The following DPP6 variants were observed in gnomAD, a reference collection of about 807,000 sequenced individuals.
The protein encoded by DPP6 is dipeptidyl peptidase like 6, also known as A-type potassium channel modulatory protein DPP6.
Under a neutral mutation model 122.6 loss-of-function variants are expected in DPP6, and 69 were observed. The ratio of observed to expected loss-of-function variants is 0.56; its 90% confidence interval spans 0.46 to 0.69. DPP6 has a LOEUF of 0.69. Among genes scored for constraint, DPP6 ranks in the 30% least tolerant of loss-of-function variants. DPP6 has a pLI of 0.00. For synonymous variants in DPP6, 418 were observed against 433.1 expected (o/e 0.97, Z 0.43); for missense variants, 928 against 1,116.9 (o/e 0.83, Z 2.41).
intron 1 of DPP6, among the ~76,000 whole-genome samples, chr7:154,226,152 G>T (rs78014587): frequency 6.6e-6 from 1 of 152,098 alleles, no homozygotes; most frequent in Non-Finnish European, 1.5e-5. Context: ...GAGAAACCAT[G>T]GCCAGAGTTC....
intron 10 of DPP6, among the ~76,000 whole-genome samples, chr7:154,792,805 C>T (rs1219752774): frequency 6.6e-6 from 1 of 152,232 alleles, no homozygotes; most frequent in Non-Finnish European, 1.5e-5. Context: ...GGTTATGTAC[C>T]TCCTCACCAC....
chr7:154,149,303 GCT>G (rs1351635763), intron 1 of DPP6, among the ~76,000 whole-genome samples: 1 of 152,280 alleles, frequency 6.6e-6, no homozygotes, highest in Non-Finnish European at 1.5e-5. Context: ...CCTCCAGGAT[GCT>G]TGGCTCTGGG....
chr7:153,792,027 ATTATC>A, the DPP6 span, among the ~76,000 whole-genome samples: 1 of 152,214 alleles, frequency 6.6e-6, no homozygotes, highest in Admixed American at 6.5e-5. Flanking sequence ...AGAGAAATCT[ATTATC>A]TTGTCTTTTG....
intron 1 of DPP6, among the ~76,000 whole-genome samples, chr7:154,414,544 C>T (rs75134924): frequency 0.013 from 1,952 of 152,282 alleles, 42 homozygotes; most frequent in African/African-American, 0.043. Context: ...CTCTACTTTC[C>T]TTTACACATA....
chr7:154,111,504 A>G (rs1437500683), intron 1 of DPP6, among the ~76,000 whole-genome samples: 1 of 152,210 alleles, frequency 6.6e-6, no homozygotes, highest in Non-Finnish European at 1.5e-5. Flanking sequence ...CTGTTGAGAT[A>G]CCTGTGAGAG....
intron 1 of DPP6, among the ~76,000 whole-genome samples, chr7:154,063,520 G>A (rs1427330424): frequency 8.2e-3 from 701 of 85,658 alleles, no homozygotes; most frequent in African/African-American, 0.031. Flanking sequence ...CCCATCGCAG[G>A]AGGGGGAGGC....
intron 20 of DPP6, chr7:154,876,755 T>C (rs67644223): frequency 0.3 from 45,700 of 152,180 alleles, 7,390 homozygotes; most frequent in Non-Finnish European, 0.36. Flanking sequence ...ATCAAGACAC[T>C]GCGCCAGGCT....
intron 1 of DPP6, among the ~76,000 whole-genome samples, chr7:153,953,502 A>G (rs1017422381): frequency 1.3e-5 from 2 of 152,170 alleles, no homozygotes; most frequent in Non-Finnish European, 2.9e-5. Flanking sequence ...GGTTCGGGGA[A>G]AGATCATGCC....
intron 1 of DPP6, among the ~76,000 whole-genome samples, chr7:153,952,701 C>T (rs967249804): frequency 1.3e-5 from 2 of 152,176 alleles, no homozygotes; most frequent in Non-Finnish European, 2.9e-5. Flanking sequence ...TTACTACATT[C>T]CATTCTTATC....
chr7:153,960,235 T>C (rs1456005984), intron 1 of DPP6, among the ~76,000 whole-genome samples: 1 of 152,202 alleles, frequency 6.6e-6, no homozygotes, highest in Non-Finnish European at 1.5e-5. Flanking sequence ...CTTACTTTCA[T>C]AAAAGGTTCT....
At chr7:154,195,953 A>G (rs1273723123) in intron 1 of DPP6, among the ~76,000 whole-genome samples, 1 of 152,104 alleles carries the variant, frequency 6.6e-6, no homozygotes. Flanking sequence ...CGGTTTGGCA[A>G]ACACCTTCTC....
chr7:154,771,752 T>C (rs1796261945), intron 9 of DPP6, among the ~76,000 whole-genome samples: 1 of 152,244 alleles, frequency 6.6e-6, no homozygotes, highest in African/African-American at 2.4e-5. Context: ...TGGCATGGAT[T>C]TGCCTTCGAC....
At chr7:154,387,667 A>G (rs12672696) in intron 1 of DPP6, among the ~76,000 whole-genome samples, 106,312 of 151,940 alleles carry the variant, frequency 0.7, 38,389 homozygotes, top group South Asian at 0.8. Flanking sequence ...TACTGTTTTC[A>G]TCCAGTCCTC....
chr7:154,362,298 A>G (rs779349515), intron 1 of DPP6, among the ~76,000 whole-genome samples: 1 of 152,198 alleles, frequency 6.6e-6, no homozygotes, highest in Non-Finnish European at 1.5e-5. Context: ...GGCTCCTGCA[A>G]GTGGGATTCC....
intron 1 of DPP6, among the ~76,000 whole-genome samples, chr7:154,117,683 A>T (rs1027816053): frequency 6.6e-6 from 1 of 152,144 alleles, no homozygotes; most frequent in African/African-American, 2.4e-5. Context: ...GAAGAGATTC[A>T]TCGTAGAGAC....
chr7:154,373,080 TTTTC>T (rs1490786805), intron 1 of DPP6, among the ~76,000 whole-genome samples: 2 of 152,214 alleles, frequency 1.3e-5, no homozygotes, highest in Non-Finnish European at 2.9e-5. Flanking sequence ...TCCTCTCTCG[TTTTC>T]TTTCTTCCTC....
intron 6 of DPP6, among the ~76,000 whole-genome samples, chr7:154,645,853 C>A (rs920436093): frequency 6.6e-6 from 1 of 151,692 alleles, no homozygotes; most frequent in Non-Finnish European, 1.5e-5. Flanking sequence ...ACGGTGAAAC[C>A]CTGTCTCTAC....
At chr7:153,892,261 C>T (rs1416491858) in intron 1 of DPP6, among the ~76,000 whole-genome samples, 2 of 152,114 alleles carry the variant, frequency 1.3e-5, no homozygotes, top group Non-Finnish European at 2.9e-5. Flanking sequence ...TGAGCAGAGG[C>T]TCGTTGAGGT....
chr7:154,577,224 G>A (rs1831741197), intron 5 of DPP6, among the ~76,000 whole-genome samples: 1 of 152,068 alleles, frequency 6.6e-6, no homozygotes, highest in East Asian at 1.9e-4. Context: ...ATTCGGGGAG[G>A]GTCGTGGGGA....
Sources: allele counts gnomAD v4.1 joint callset (sites outside exome capture counted in the v4.1 genomes callset), GRCh38; gene constraint gnomAD v4.1.1; transcripts MANE v1.5; gene names NCBI Gene and HGNC (gene_info 2026-07-23, HGNC 2026-07-21).